The following CDK6 variants were observed in gnomAD, a reference collection of about 807,000 sequenced individuals.
CDK6 encodes the protein cyclin dependent kinase 6.
A neutral mutation model predicts 37.1 loss-of-function variants in CDK6; 6 were observed. The observed-to-expected ratio is 0.16, with a 90% CI of 0.09 to 0.32. The LOEUF is 0.32. Ranked by LOEUF, CDK6 falls within the 10% of genes least tolerant of loss-of-function variation. CDK6 has a pLI of 1.00. For synonymous variants in CDK6, 160 were observed against 161.3 expected (o/e 0.99, Z 0.06); for missense variants, 224 against 418.9 (o/e 0.53, Z 4.06).
At chr7:92,638,182 G>C (rs1334411116) in intron 5 of CDK6, among the ~76,000 whole-genome samples, 1 of 152,052 alleles carries the variant, frequency 6.6e-6, no homozygotes, top group African/African-American at 2.4e-5. Flanking sequence ...TTTTCCAAAA[G>C]ATATAGAAAA....
intron 4 of CDK6, among the ~76,000 whole-genome samples, chr7:92,720,019 A>G (rs928100292): frequency 6.6e-6 from 1 of 152,106 alleles, no homozygotes; most frequent in South Asian, 2.1e-4. Context: ...AGAATGCTTC[A>G]TTTTTCCTAA....
chr7:92,665,000 T>C (rs1228628476), intron 5 of CDK6, among the ~76,000 whole-genome samples: 2 of 152,088 alleles, frequency 1.3e-5, no homozygotes, highest in African/African-American at 4.8e-5. Context: ...TTAGCCAGGA[T>C]GGTCTTGATC....
chr7:92,676,721 T>C (rs1025706542), intron 4 of CDK6, among the ~76,000 whole-genome samples: 1 of 152,164 alleles, frequency 6.6e-6, no homozygotes, highest in East Asian at 1.9e-4. Flanking sequence ...TTCTAATACA[T>C]ATGTTTTTCT....
chr7:92,632,933 CTTTTTTTTTTTT>C (rs397889657), intron 5 of CDK6, among the ~76,000 whole-genome samples: 3 of 108,898 alleles, frequency 2.8e-5, no homozygotes, highest in South Asian at 6.4e-4. Flanking sequence ...CTCTAAAGAT[CTTTTTTTTTTTT>C]TTTTTTTTTT....
intron 2 of CDK6, among the ~76,000 whole-genome samples, chr7:92,808,225 G>T (rs1458027204): frequency 6.6e-6 from 1 of 152,210 alleles, no homozygotes; most frequent in Non-Finnish European, 1.5e-5. Flanking sequence ...AATGCAAAGT[G>T]AACCAAAATG....
intron 3 of CDK6, among the ~76,000 whole-genome samples, chr7:92,763,565 ATGAG>A (rs1350487552): frequency 6.6e-6 from 1 of 152,200 alleles, no homozygotes; most frequent in Non-Finnish European, 1.5e-5. Context: ...TCTCCTATTA[ATGAG>A]TAAGTATTTT....
chr7:92,606,956 T>C lies in CDK6; in HGVS notation c.*8184A>G. The C allele has an allele frequency of 4.3e-6, 1 of 233,148 alleles. No individual in the cohort carries two copies. The allele number at this position is 233,148 out of a possible 1,614,324, so 14.4% of individuals were successfully genotyped here. A position where few individuals can be genotyped will look rare whatever the true frequency, so the allele number is the denominator to read the frequency against. On this transcript the variant is annotated 3_prime_UTR_variant, in exon 8 of 8. Transcript: ENST00000424848. Reference sequence around the variant, plus strand: ...AAATACCAAAAAATGCAACAAGCTTTTGAGGTGTTGGGAATTGTTGGTTGT... The same window carrying C: ...AAATACCAAAAAATGCAACAAGCTTCTGAGGTGTTGGGAATTGTTGGTTGT...
chr7:92,669,531 T>C (rs559211093), intron 5 of CDK6, among the ~76,000 whole-genome samples: 2 of 152,348 alleles, frequency 1.3e-5, no homozygotes, highest in African/African-American at 4.8e-5. Context: ...ATAATTCCAA[T>C]AAGCATTTCT....
At chr7:92,770,918 AT>A (rs947360949) in intron 3 of CDK6, among the ~76,000 whole-genome samples, 1 of 151,884 alleles carries the variant, frequency 6.6e-6, no homozygotes, top group African/African-American at 2.4e-5. Context: ...TCTTGTTTTG[AT>A]TTTCTATTTT....
In CDK6 at chr7:92,810,733, A is replaced by C. The variant is rs547022601; in HGVS notation, c.233+22358T>G. Among the ~76,000 whole-genome samples the C allele has an allele frequency of 2.6e-5, 4 of 152,342 alleles. No individual in the cohort carries two copies. The South Asian group carries it at 8.3e-4, about 32-fold the overall frequency. On this transcript the variant is annotated intron_variant, in intron 2 of 7. Coordinates refer to ENST00000424848, the MANE Select transcript of CDK6 (RefSeq NM_001145306.2). Reference sequence around the variant, plus strand: ...GAAGATAAACAGTAATAGTAAGTAGATGGGCAGAATTCAATAGTAAAGGGC... The same window carrying C: ...GAAGATAAACAGTAATAGTAAGTAGCTGGGCAGAATTCAATAGTAAAGGGC...
chr7:92,738,925 C>T, intron 3 of CDK6, among the ~76,000 whole-genome samples: 1 of 152,092 alleles, frequency 6.6e-6, no homozygotes, highest in East Asian at 1.9e-4. Flanking sequence ...TTCCAGGCAC[C>T]AAAAATTGGC....
chr7:92,815,456 T>C (rs1041511073), intron 2 of CDK6, among the ~76,000 whole-genome samples: 1 of 152,186 alleles, frequency 6.6e-6, no homozygotes. Context: ...CCAGACTTCT[T>C]ACCTGCCAGA....
intron 5 of CDK6, among the ~76,000 whole-genome samples, chr7:92,668,304 C>T (rs934868208): frequency 6.6e-5 from 10 of 152,052 alleles, no homozygotes; most frequent in East Asian, 1.9e-4. Context: ...CGACAATGTT[C>T]GCAAAATGAC....
chr7:92,835,811 CGGGG>C lies in CDK6; in HGVS notation c.-368+663_-368+666del, dbSNP rs944234247. ...CTGCGGGGACCAGGGCTGCTCACTG[CGGGG>C]CGTGTGTTTAACTCCAATATTTTAA... On this transcript the variant is annotated intron_variant, in intron 1 of 7. Coordinates refer to ENST00000424848, the MANE Select transcript of CDK6 (RefSeq NM_001145306.2). This position sits in a 1 kb window ranked among gnomAD's most constrained non-coding sequence, Gnocchi z 4.2. 2.0e-5 allele frequency among the ~76,000 whole-genome samples: 3 copies of C among 152,232 alleles called. No individual in the cohort carries two copies. Among genetic ancestry groups the C allele is most frequent in the Non-Finnish European group, 2.9e-5 (2 of 68,034 alleles).
chr7:92,656,639 ACT>A (rs1159768484), intron 5 of CDK6, among the ~76,000 whole-genome samples: 1 of 152,200 alleles, frequency 6.6e-6, no homozygotes, highest in East Asian at 1.9e-4. Context: ...CCAAGGCCAG[ACT>A]CAACTCAGAT....
chr7:92,632,853 G>T (rs1402573039), intron 5 of CDK6, among the ~76,000 whole-genome samples: 1 of 149,326 alleles, frequency 6.7e-6, no homozygotes, highest in African/African-American at 2.5e-5. Flanking sequence ...AGAGTAAATA[G>T]ATGAAAATAA....
chr7:92,633,007 T>C (rs1477197119), intron 5 of CDK6, among the ~76,000 whole-genome samples: 1 of 149,162 alleles, frequency 6.7e-6, no homozygotes, highest in East Asian at 2.0e-4. Context: ...GAGTCTTGAC[T>C]ATAGTCCTTA....
At chr7:92,654,054 T>C (rs2116565448) in intron 5 of CDK6, among the ~76,000 whole-genome samples, 1 of 152,324 alleles carries the variant, frequency 6.6e-6, no homozygotes, top group South Asian at 2.1e-4. Context: ...TTCCATTTCC[T>C]ACAGTATTAA....
At chr7:92,653,104 C>CA (rs2116563439) in intron 5 of CDK6, among the ~76,000 whole-genome samples, 1 of 152,146 alleles carries the variant, frequency 6.6e-6, no homozygotes, top group African/African-American at 2.4e-5. Context: ...TTAATAGAAA[C>CA]GTATTTTATC....
Sources: allele counts gnomAD v4.1 joint callset (sites outside exome capture counted in the v4.1 genomes callset), GRCh38; gene constraint gnomAD v4.1.1; non-coding constraint Gnocchi (gnomAD v3.1); transcripts MANE v1.5; gene names NCBI Gene and HGNC (gene_info 2026-07-23, HGNC 2026-07-21).